OTOP3: variants seen among roughly 807,000 people sequenced by gnomAD.
OTOP3 encodes the protein proton channel OTOP3.
In OTOP3, 41 loss-of-function variants were observed where a neutral mutation model predicts 50.8. The observed-to-expected ratio is 0.81, with a 90% CI of 0.63 to 1.05. OTOP3 has a LOEUF of 1.05. Among genes scored for constraint, OTOP3 ranks in the 50% least tolerant of loss-of-function variants. The pLI is 0.00. For synonymous variants in OTOP3, 320 were observed against 324.4 expected, an observed-to-expected ratio of 0.99 and a Z score of 0.14; for missense variants, 788 against 760.8, an observed-to-expected ratio of 1.04 and a Z score of -0.42.
chr17:74,935,888 C>T, upstream of OTOP3: 2 of 1,547,658 alleles, frequency 1.3e-6, no homozygotes, highest in Non-Finnish European at 1.7e-6. Context: ...GGACGATCCG[C>T]TCAGCGCCCG....
intron 3 of OTOP3, 144 bp downstream of exon 3, chr17:74,942,181 C>T: frequency 9.7e-7 from 1 of 1,033,870 alleles, no homozygotes; most frequent in South Asian, 1.8e-5. Flanking sequence ...ACACCACACC[C>T]CTCACACAAG....
intron 6 of OTOP3, among the ~76,000 whole-genome samples, chr17:74,948,055 T>C (rs1319106885): frequency 6.6e-6 from 1 of 152,154 alleles, no homozygotes; most frequent in African/African-American, 2.4e-5. Flanking sequence ...AAAACATACC[T>C]GAGAAATGAA....
chr17:74,935,838 C>T, upstream of OTOP3: 3 of 1,530,178 alleles, frequency 2.0e-6, no homozygotes, highest in Non-Finnish European at 1.8e-6. Flanking sequence ...TGCGCAGTCC[C>T]GCTGGGGGAG....
At chr17:74,943,757 GAAACAC>G in intron 5 of OTOP3, 33 bp downstream of exon 5, 2 of 1,293,668 alleles carry the variant, frequency 1.5e-6, no homozygotes, top group Non-Finnish European at 2.2e-6. Context: ...TCCTTGCCCT[GAAACAC>G]ACACACACAC....
Position 74,935,931 on chromosome 17 carries a change from C to CCA in OTOP3, c.11_12insAC (p.Ala5ArgfsTer49), listed in dbSNP as rs1176696475. ...TGGTTAGCCCACGGCGATGCCTCTC[C>CCA]CGGCCTCAGGTAAGCCCGGAGCGCC... is the stretch of plus-strand genomic sequence containing the variant. On this transcript the variant is annotated frameshift_variant, in exon 1 of 7. Coordinates refer to ENST00000328801, the MANE Select transcript of OTOP3 (RefSeq NM_001272005.2). LOFTEE classifies it high-confidence loss of function. The CCA allele has an allele frequency of 6.5e-7, 1 of 1,544,754 alleles. No individual in the cohort carries two copies. The highest frequency in any genetic ancestry group is 2.4e-5 in the East Asian group (1 of 40,900).
At chr17:74,939,862 C>T (rs140433086) in intron 1 of OTOP3, among the ~76,000 whole-genome samples, 80 of 152,108 alleles carry the variant, frequency 5.3e-4, no homozygotes, top group African/African-American at 1.7e-3. Context: ...GTGAATCAAC[C>T]CCAGAAACTT....
intron 2 of OTOP3, 31 bp downstream of exon 2, chr17:74,941,840 G>T (rs968559390): frequency 1.9e-6 from 3 of 1,592,946 alleles, no homozygotes; most frequent in African/African-American, 2.7e-5. Context: ...GGGCTGGGCA[G>T]GGGTGGGGAG....
At chr17:74,939,863 C>T (rs999333151) in intron 1 of OTOP3, among the ~76,000 whole-genome samples, 1 of 152,032 alleles carries the variant, frequency 6.6e-6, no homozygotes, top group Non-Finnish European at 1.5e-5. Flanking sequence ...TGAATCAACC[C>T]CAGAAACTTT....
intron 1 of OTOP3, among the ~76,000 whole-genome samples, chr17:74,938,989 G>A (rs931297645): frequency 1.6e-4 from 24 of 151,048 alleles, no homozygotes; most frequent in South Asian, 4.2e-4. Flanking sequence ...GCAACATAAC[G>A]TGACCCTGTC....
intron 1 of OTOP3, among the ~76,000 whole-genome samples, chr17:74,936,626 G>T (rs1304840394): frequency 1.3e-5 from 2 of 152,156 alleles, no homozygotes; most frequent in Non-Finnish European, 2.9e-5. Context: ...GAAGGCTCAC[G>T]CCAGCGGCCT....
intron 1 of OTOP3, among the ~76,000 whole-genome samples, chr17:74,938,245 T>C (rs2039137734): frequency 6.6e-6 from 1 of 151,128 alleles, no homozygotes; most frequent in South Asian, 2.1e-4. Context: ...AAGGGGAGAA[T>C]GGGAGCCCGG....
chr17:74,946,645 C>T lies in OTOP3; in HGVS notation c.752-16C>T. ...CTGCCTGAATGTCTGTCCCTCCCACCCTGCCTCCCTCCCAGGCAATGAGAC... is the reference window on the plus strand; with the variant it reads ...CTGCCTGAATGTCTGTCCCTCCCACTCTGCCTCCCTCCCAGGCAATGAGAC... On this transcript the variant is annotated splice_polypyrimidine_tract_variant and intron_variant, in intron 5 of 6. Coordinates refer to ENST00000328801, the MANE Select transcript of OTOP3 (RefSeq NM_001272005.2). 6.3e-7 allele frequency: 1 copy of T among 1,589,552 alleles called. No homozygotes were observed. The highest frequency in any genetic ancestry group is 8.6e-7 in the Non-Finnish European group (1 of 1,165,328).
At position 74,946,932 on chromosome 17, in the gene OTOP3, A is replaced by C; in HGVS notation, c.1023A>C (p.Gln341His). The change falls in exon 6 of 7, where the codon CAA becomes CAC. Residue 341 changes from glutamine to histidine, a missense_variant. Physicochemically the swap from Gln to His is conservative, Grantham distance 24 (BLOSUM62 0). Transcript: ENST00000328801. Reference protein sequence around the residue: ...LAGVCVFVLFQIEASGPAIAC... With the variant: ...LAGVCVFVLFHIEASGPAIAC... ...GTGTGTGCGTCTTTGTGCTCTTCCAAATCGAGGCCAGTGGCCCTGCCATTG... is the reference window on the plus strand; with the variant it reads ...GTGTGTGCGTCTTTGTGCTCTTCCACATCGAGGCCAGTGGCCCTGCCATTG... The C allele has an allele frequency of 6.2e-7, 1 of 1,612,830 alleles. No homozygotes were observed. Among genetic ancestry groups the C allele is most frequent in the Non-Finnish European group, 8.5e-7 (1 of 1,179,942 alleles).
intron 6 of OTOP3, among the ~76,000 whole-genome samples, chr17:74,948,890 C>T (rs865841068): frequency 3.3e-5 from 5 of 152,110 alleles, no homozygotes; most frequent in African/African-American, 9.7e-5. Context: ...GAGTGAAGCC[C>T]GAGCTCAGGG....
intron 1 of OTOP3, among the ~76,000 whole-genome samples, chr17:74,938,434 C>T (rs1175314344): frequency 1.3e-5 from 2 of 152,000 alleles, no homozygotes; most frequent in African/African-American, 2.4e-5. Context: ...GAGGGAAGGC[C>T]GCAGAGAGGA....
chr17:74,943,047 A>G (rs1232242254), intron 3 of OTOP3, among the ~76,000 whole-genome samples: 2 of 152,232 alleles, frequency 1.3e-5, no homozygotes, highest in East Asian at 3.8e-4. Flanking sequence ...TCCCCCAACA[A>G]GAAAGCACTT....
rs1229621172 is a variant in OTOP3, at chr17:74,949,582, AG to A, written c.*168del. ...AGGGGAGGGCACTGCCTAGAGCCAG[AG>A]GCCAACAGCAGGGGCCTGGACACTG... On this transcript the variant is annotated 3_prime_UTR_variant, in exon 7 of 7. Transcript: ENST00000328801. The A allele has an allele frequency of 1.3e-6, 1 of 768,444 alleles. No individual in the cohort carries two copies. The highest frequency in any genetic ancestry group is 2.0e-6 in the Non-Finnish European group (1 of 493,856). The allele number at this position is 768,444 out of a possible 1,614,324, so 47.6% of individuals were successfully genotyped here.
upstream of OTOP3, chr17:74,935,881 C>T (rs768694843): frequency 4.5e-6 from 7 of 1,547,498 alleles, 1 homozygote; most frequent in South Asian, 3.6e-5. Flanking sequence ...CCTGGACGGA[C>T]GATCCGCTCA....
At position 74,943,709 on chromosome 17, in the gene OTOP3, A is replaced by G. The variant is rs200307499; in HGVS notation, c.736A>G (p.Met246Val). ...GATCGAAGCTGAGCTTGGCATCCTC[A>G]TGGAAAAATCCACAGGTATGGAAAG... Reference protein sequence around the residue: ...REIEAELGILMEKSTGNETNT... With the variant: ...REIEAELGILVEKSTGNETNT... Residue 246 changes from methionine to valine, a missense_variant, in exon 5 of 7, where the codon ATG becomes GTG. By Grantham distance (21) the Met-to-Val change is conservative. Transcript: ENST00000328801. 6 of 1,608,784 alleles carry G rather than the reference A, an allele frequency of 3.7e-6. No individual in the cohort carries two copies. The East Asian group carries it at 6.7e-5, about 18-fold the overall frequency.
Sources: allele counts gnomAD v4.1 joint callset (sites outside exome capture counted in the v4.1 genomes callset), GRCh38; gene constraint gnomAD v4.1.1; transcripts MANE v1.5; gene names NCBI Gene and HGNC (gene_info 2026-07-23, HGNC 2026-07-21).